SLC1A3: variants seen among roughly 807,000 people sequenced by gnomAD.
SLC1A3 encodes solute carrier family 1 member 3.
A neutral mutation model predicts 48.1 loss-of-function variants in SLC1A3; 21 were observed. The ratio of observed to expected loss-of-function variants is 0.44; its 90% CI spans 0.31 to 0.63. The LOEUF (loss-of-function observed/expected upper bound fraction) is 0.63. Among genes scored for constraint, SLC1A3 ranks in the 20% least tolerant of loss-of-function variants. SLC1A3 has a pLI of 0.08. For synonymous variants in SLC1A3, 239 were observed against 251.4 expected (o/e 0.95, Z 0.47); for missense variants, 546 against 689.0 (o/e 0.79, Z 2.32).
At chr5:36,622,356 T>C (rs978282640) in intron 2 of SLC1A3, among the ~76,000 whole-genome samples, 3 of 152,224 alleles carry the variant, frequency 2.0e-5, no homozygotes, top group Non-Finnish European at 4.4e-5. Flanking sequence ...TAATAACTCT[T>C]AGAAGACTTT....
intron 3 of SLC1A3, 29 bp downstream of exon 3, chr5:36,629,616 GTTTT>G (rs199712940): frequency 1.2e-6 from 2 of 1,601,636 alleles, no homozygotes; most frequent in Middle Eastern, 1.7e-4. Flanking sequence ...GGTTTGTTTG[GTTTT>G]TTTTAAGTGT....
chr5:36,650,965 T>C (rs1401406991), intron 3 of SLC1A3, among the ~76,000 whole-genome samples: 3 of 152,180 alleles, frequency 2.0e-5, no homozygotes, highest in Non-Finnish European at 2.9e-5. Context: ...CTCATGATTC[T>C]AAGCCTGTGT....
intron 2 of SLC1A3, among the ~76,000 whole-genome samples, chr5:36,624,318 G>T (rs1739814064): frequency 6.6e-6 from 1 of 152,220 alleles, no homozygotes; most frequent in South Asian, 2.1e-4. Context: ...GACTCCTTCA[G>T]TCAGTACCAT....
chr5:36,668,374 GA>G (rs755694890), intron 3 of SLC1A3: 1 of 152,210 alleles, frequency 6.6e-6, no homozygotes, highest in Non-Finnish European at 1.5e-5. Flanking sequence ...CATTGTGTGT[GA>G]ACAGATTGCA....
At chr5:36,676,421 A>G (rs1423677) in intron 5 of SLC1A3, among the ~76,000 whole-genome samples, 76,861 of 152,054 alleles carry the variant, frequency 0.51, 19,864 homozygotes, top group Middle Eastern at 0.62. Context: ...GCTGTAGAAT[A>G]TGAGAGAAAG....
At chr5:36,662,259 T>C (rs16903252) in intron 3 of SLC1A3, among the ~76,000 whole-genome samples, 14,103 of 152,214 alleles carry the variant, frequency 0.093, 838 homozygotes, top group African/African-American at 0.16. Flanking sequence ...TGATAGAGGT[T>C]TCTTTCCAAA....
chr5:36,661,782 A>G (rs559910997), intron 3 of SLC1A3, among the ~76,000 whole-genome samples: 3 of 152,300 alleles, frequency 2.0e-5, no homozygotes, highest in Admixed American at 2.0e-4. Context: ...TTCTTCTGTG[A>G]GGGACAGGCC....
rs922839111 is a variant in SLC1A3, at chr5:36,674,099, C to T, written c.567+8C>T. The T allele has an allele frequency of 1.9e-6, 3 of 1,609,508 alleles. No individual in the cohort carries two copies. In the African/African-American group the frequency reaches 4.0e-5, roughly 22 times the overall value. On this transcript the variant is annotated splice_region_variant and intron_variant, in intron 5 of 9. Coordinates refer to ENST00000265113, the MANE Select transcript of SLC1A3 (RefSeq NM_004172.5). ...GAAGCCTGCTTTAAACAGGTAAACA[C>T]TCTACAGACATTAACTTGCCTTTTA... is the stretch of plus-strand genomic sequence containing the variant.
chr5:36,657,496 A>C (rs563725475), intron 3 of SLC1A3, among the ~76,000 whole-genome samples: 1 of 151,582 alleles, frequency 6.6e-6, no homozygotes, highest in South Asian at 2.1e-4. Flanking sequence ...ACCCTTATGT[A>C]CTTTTCTAAA....
intron 2 of SLC1A3, among the ~76,000 whole-genome samples, chr5:36,619,778 T>C (rs1739591555): frequency 6.6e-6 from 1 of 152,246 alleles, no homozygotes; most frequent in African/African-American, 2.4e-5. Context: ...AATTATTGCA[T>C]GCCTGCCATA....
At chr5:36,632,653 T>G (rs1349733374) in intron 3 of SLC1A3, among the ~76,000 whole-genome samples, 1 of 152,258 alleles carries the variant, frequency 6.6e-6, no homozygotes, top group Admixed American at 6.5e-5. Flanking sequence ...TAAGTTCAGT[T>G]GTCCCAGGGT....
At chr5:36,678,951 A>G (rs1440155624) in intron 6 of SLC1A3, among the ~76,000 whole-genome samples, 4 of 152,268 alleles carry the variant, frequency 2.6e-5, no homozygotes, top group Non-Finnish European at 5.9e-5. Context: ...CATTTGTACT[A>G]TAACATAGAA....
intron 2 of SLC1A3, among the ~76,000 whole-genome samples, chr5:36,629,006 CA>C (rs2111752707): frequency 6.6e-6 from 1 of 152,254 alleles, no homozygotes; most frequent in South Asian, 2.1e-4. Context: ...AATAAAATCA[CA>C]CTATCCTTTA....
At chr5:36,660,912 T>C (rs1310861163) in intron 3 of SLC1A3, among the ~76,000 whole-genome samples, 1 of 152,148 alleles carries the variant, frequency 6.6e-6, no homozygotes, top group Non-Finnish European at 1.5e-5. Flanking sequence ...TCATCTCCCT[T>C]CCTTTTCTCT....
At chr5:36,684,624 T>G (rs1742573283) in intron 9 of SLC1A3, among the ~76,000 whole-genome samples, 1 of 152,220 alleles carries the variant, frequency 6.6e-6, no homozygotes, top group Non-Finnish European at 1.5e-5. Context: ...CTTAAAAATT[T>G]CCTTCCACTT....
In SLC1A3 at chr5:36,686,203, A is replaced by G; in HGVS notation, c.1563A>G (p.Lys521=). The G allele has an allele frequency of 1.9e-6, 3 of 1,614,134 alleles. No individual in the cohort carries two copies. The highest frequency in any genetic ancestry group is 3.3e-4 in the Middle Eastern group (2 of 6,062). Residue 521 remains lysine, a synonymous_variant, in exon 10 of 10, where the codon AAA becomes AAG. Coordinates refer to ENST00000265113, the MANE Select transcript of SLC1A3 (RefSeq NM_004172.5). ...TGATTGAAGAGAATGAAATGAAGAAACCATATCAACTGATTGCACAGGACA... is the reference window on the plus strand; with the variant it reads ...TGATTGAAGAGAATGAAATGAAGAAGCCATATCAACTGATTGCACAGGACA... ...NSVIEENEMK[K]PYQLIAQDNE...
Position 36,674,147 on chromosome 5 carries a change from C to T in SLC1A3, c.567+56C>T, listed in dbSNP as rs951205343. 4.5e-6 allele frequency: 6 copies of T among 1,331,128 alleles called. No homozygotes were observed. In the African/African-American group the frequency reaches 5.8e-5, roughly 13 times the overall value. 82.5% of individuals were successfully genotyped at this position (1,331,128 alleles called of 1,614,324 possible). On this transcript the variant is annotated intron_variant, in intron 5 of 9. Coordinates refer to ENST00000265113, the MANE Select transcript of SLC1A3 (RefSeq NM_004172.5). The stretch of plus-strand genomic sequence containing the variant: ...TTAAATTCCTCTTTTCTATACCAAA[C>T]CAAGTGGGACCCTCTTTTCCCTGCT...
chr5:36,641,100 T>C (rs1296140599), intron 3 of SLC1A3, among the ~76,000 whole-genome samples: 1 of 152,170 alleles, frequency 6.6e-6, no homozygotes, highest in African/African-American at 2.4e-5. Context: ...CAGTGCTTTA[T>C]ATTAATTACC....
chr5:36,642,271 A>C (rs1224164353), intron 3 of SLC1A3, among the ~76,000 whole-genome samples: 3 of 152,202 alleles, frequency 2.0e-5, no homozygotes, highest in Non-Finnish European at 4.4e-5. Flanking sequence ...CTACCAAGTG[A>C]GGTCAAGTGT....
Sources: allele counts gnomAD v4.1 joint callset (sites outside exome capture counted in the v4.1 genomes callset), GRCh38; gene constraint gnomAD v4.1.1; transcripts MANE v1.5; gene names NCBI Gene and HGNC (gene_info 2026-07-23, HGNC 2026-07-21).